ZNF385D: variants seen among roughly 807,000 people sequenced by gnomAD.
ZNF385D encodes the protein zinc finger protein 659.
A neutral mutation model predicts 35.8 loss-of-function variants in ZNF385D; 15 were observed. The ratio of observed to expected loss-of-function variants is 0.42; its 90% confidence interval spans 0.28 to 0.64. The LOEUF is 0.64. Ranked by LOEUF, ZNF385D falls within the 30% of genes least tolerant of loss-of-function variation. The pLI, the probability that ZNF385D is intolerant of heterozygous loss-of-function variation, is 0.23. For synonymous variants in ZNF385D, 212 were observed against 186.8 expected (o/e 1.13, Z -1.10); for missense variants, 474 against 494.6 (o/e 0.96, Z 0.39).
chr3:21,603,208 G>T (rs549638935), intron 2 of ZNF385D, among the ~76,000 whole-genome samples: 4 of 152,184 alleles, frequency 2.6e-5, no homozygotes, highest in Non-Finnish European at 5.9e-5. Context: ...ATTTAACTAG[G>T]CTATTAAAAG....
At chr3:22,357,230 T>C (rs776784899) in intron 2 of ZNF385D, among the ~76,000 whole-genome samples, 2 of 151,888 alleles carry the variant, frequency 1.3e-5, no homozygotes, top group Non-Finnish European at 2.9e-5. Context: ...TTTCAGGAAG[T>C]GTTTAAGGGA....
intron 3 of ZNF385D, among the ~76,000 whole-genome samples, chr3:21,904,302 C>CAAAAAAAAAAA (rs548922115): frequency 1.3e-5 from 1 of 79,284 alleles, no homozygotes; most frequent in African/African-American, 4.6e-5. Context: ...GACTCCATCT[C>CAAAAAAAAAAA]AAAAAAAAAA....
intron 3 of ZNF385D, among the ~76,000 whole-genome samples, chr3:21,964,882 A>G (rs1248545918): frequency 6.6e-6 from 1 of 152,194 alleles, no homozygotes; most frequent in Non-Finnish European, 1.5e-5. Flanking sequence ...TTGTAGACAA[A>G]TGATATGAGA....
At chr3:22,277,057 A>G (rs187695797) in intron 2 of ZNF385D, among the ~76,000 whole-genome samples, 2 of 152,096 alleles carry the variant, frequency 1.3e-5, no homozygotes, top group African/African-American at 4.8e-5. Flanking sequence ...GCTTATTCCT[A>G]TTTTCACAAA....
intron 3 of ZNF385D, among the ~76,000 whole-genome samples, chr3:21,825,507 G>A (rs941893129): frequency 6.6e-6 from 1 of 152,032 alleles, no homozygotes; most frequent in African/African-American, 2.4e-5. Context: ...GAGTTAGGTG[G>A]TTCCGGGGTT....
chr3:21,589,578 A>G (rs1301295421), intron 2 of ZNF385D, among the ~76,000 whole-genome samples: 2 of 152,202 alleles, frequency 1.3e-5, no homozygotes, highest in Non-Finnish European at 2.9e-5. Context: ...ACATTTGTTC[A>G]TGCAAAGTCA....
chr3:21,856,585 A>G (rs1450811074), intron 3 of ZNF385D, among the ~76,000 whole-genome samples: 2 of 151,912 alleles, frequency 1.3e-5, no homozygotes, highest in African/African-American at 2.4e-5. Flanking sequence ...CTTCTTTTTC[A>G]TATAAACTAG....
chr3:21,450,600 TCAAGA>T (rs1220717578), intron 4 of ZNF385D, among the ~76,000 whole-genome samples: 1 of 152,170 alleles, frequency 6.6e-6, no homozygotes, highest in African/African-American at 2.4e-5. Flanking sequence ...CAGAAGCTCA[TCAAGA>T]CAACCCTGGA....
intron 3 of ZNF385D, among the ~76,000 whole-genome samples, chr3:21,798,388 CTT>C (rs2072248563): frequency 6.6e-6 from 1 of 152,230 alleles, no homozygotes; most frequent in African/African-American, 2.4e-5. Flanking sequence ...CGACTGAAGT[CTT>C]TGTGCTTTTT....
At chr3:22,221,013 T>C (rs573736965) in intron 2 of ZNF385D, among the ~76,000 whole-genome samples, 1 of 152,238 alleles carries the variant, frequency 6.6e-6, no homozygotes, top group South Asian at 2.1e-4. Context: ...CTTTCATCTC[T>C]ACATATGGTA....
chr3:21,797,602 T>C (rs901851954), intron 3 of ZNF385D, among the ~76,000 whole-genome samples: 2 of 152,194 alleles, frequency 1.3e-5, no homozygotes, highest in Non-Finnish European at 2.9e-5. Context: ...CAAGCTGTTT[T>C]TACATAGGTG....
chr3:21,765,217 T>TGAGA (rs562978427), intron 3 of ZNF385D, among the ~76,000 whole-genome samples: 10 of 149,570 alleles, frequency 6.7e-5, no homozygotes, highest in South Asian at 2.1e-4. Context: ...TGTGTGTGTG[T>TGAGA]GAGAGAGAGA....
At chr3:21,770,392 G>GA (rs912577699) in intron 3 of ZNF385D, among the ~76,000 whole-genome samples, 21 of 151,878 alleles carry the variant, frequency 1.4e-4, no homozygotes, top group South Asian at 6.2e-4. Context: ...AAATTTACAA[G>GA]AAAAAAACAA....
chr3:22,345,872 A>T (rs1232076706), intron 2 of ZNF385D, among the ~76,000 whole-genome samples: 1 of 151,990 alleles, frequency 6.6e-6, no homozygotes, highest in Non-Finnish European at 1.5e-5. Context: ...TAAAGTCTGC[A>T]CTCTTGCCCA....
chr3:21,481,160 G>T (rs1350776967), intron 4 of ZNF385D, among the ~76,000 whole-genome samples: 1 of 152,114 alleles, frequency 6.6e-6, no homozygotes, highest in African/African-American at 2.4e-5. Flanking sequence ...CATAACAATG[G>T]GGATCTAGAC....
intron 3 of ZNF385D, among the ~76,000 whole-genome samples, chr3:21,948,670 T>C (rs1158320099): frequency 1.4e-5 from 2 of 141,392 alleles, no homozygotes; most frequent in Non-Finnish European, 3.0e-5. Context: ...CTATAATCCA[T>C]ACACTTGCCT....
intron 2 of ZNF385D, among the ~76,000 whole-genome samples, chr3:22,370,460 T>A (rs1487928324): frequency 1.3e-5 from 2 of 152,220 alleles, no homozygotes; most frequent in Non-Finnish European, 2.9e-5. Context: ...TTATTTTATT[T>A]CACATCTACA....
chr3:22,244,817 C>T (rs1288653208), intron 2 of ZNF385D, among the ~76,000 whole-genome samples: 3 of 150,530 alleles, frequency 2.0e-5, no homozygotes, highest in African/African-American at 7.4e-5. Flanking sequence ...GAATTTTTTT[C>T]CTTGATTTTT....
intron 2 of ZNF385D, among the ~76,000 whole-genome samples, chr3:22,355,195 C>A (rs1357108484): frequency 6.6e-6 from 1 of 151,954 alleles, no homozygotes; most frequent in African/African-American, 2.4e-5. Context: ...AAGAAAGTTG[C>A]AACTATAAAC....
Sources: gnomAD v4.1 joint callset for allele counts (sites outside exome capture counted in the v4.1 genomes callset) on GRCh38, gnomAD v4.1.1 for gene constraint, MANE v1.5 for transcripts, NCBI Gene and HGNC (gene_info 2026-07-23, HGNC 2026-07-21) for gene names.